GRIN2A: variants seen among roughly 807,000 people sequenced by gnomAD.
The protein encoded by GRIN2A is glutamate receptor ionotropic, NMDA 2A.
GRIN2A carries 22 observed loss-of-function variants against 113.4 expected under a neutral mutation model. The ratio of observed to expected loss-of-function variants is 0.19; its 90% CI spans 0.14 to 0.28. The LOEUF is 0.28. Among genes scored for constraint, GRIN2A ranks in the 10% least tolerant of loss-of-function variants. The pLI, the probability that GRIN2A is intolerant of heterozygous loss-of-function variation, is 1.00. For synonymous variants in GRIN2A, 827 were observed against 738.4 expected (o/e 1.12, Z -1.94); for missense variants, 1,502 against 1,887.0 (o/e 0.80, Z 3.78).
chr16:9,771,070 C>T (rs1218477877), intron 11 of GRIN2A, among the ~76,000 whole-genome samples: 3 of 152,186 alleles, frequency 2.0e-5, no homozygotes, highest in Admixed American at 6.5e-5. Context: ...CCTGTTGCTC[C>T]AAGTCCTCAC....
At chr16:9,813,699 CAA>C (rs553969865) in intron 10 of GRIN2A, among the ~76,000 whole-genome samples, 8 of 133,374 alleles carry the variant, frequency 6.0e-5, no homozygotes, top group African/African-American at 5.5e-5. Flanking sequence ...CACCCCCCCG[CAA>C]AAAAAAAAAA....
intron 4 of GRIN2A, among the ~76,000 whole-genome samples, chr16:9,863,412 T>C (rs1385750531): frequency 6.6e-6 from 1 of 152,144 alleles, no homozygotes; most frequent in Non-Finnish European, 1.5e-5. Flanking sequence ...CTTTTACTCA[T>C]GACAGTTTTA....
intron 2 of GRIN2A, among the ~76,000 whole-genome samples, chr16:9,969,153 T>A (rs979662325): frequency 6.6e-6 from 1 of 152,138 alleles, no homozygotes; most frequent in Non-Finnish European, 1.5e-5. Context: ...TCAATGGCCA[T>A]CCTGTTGCAC....
At chr16:9,998,426 GA>G (rs1350344255) in intron 2 of GRIN2A, among the ~76,000 whole-genome samples, 23 of 152,210 alleles carry the variant, frequency 1.5e-4, no homozygotes, top group Non-Finnish European at 2.8e-4. Flanking sequence ...AATAGATACA[GA>G]ATTTTCATTT....
At chr16:9,848,815 A>G (rs528315888) in intron 5 of GRIN2A, among the ~76,000 whole-genome samples, 94 of 85,492 alleles carry the variant, frequency 1.1e-3, no homozygotes, top group African/African-American at 5.8e-3. Context: ...TTATATATTT[A>G]AATATATAAA....
chr16:9,761,640 G>A lies in GRIN2A; in HGVS notation c.*1509C>T. 1 of 229,126 alleles carries A rather than the reference G, an allele frequency of 4.4e-6. No individual in the cohort carries two copies. The highest frequency in any genetic ancestry group is 6.2e-5 in the East Asian group (1 of 16,006). The allele number at this position is 229,126 out of a possible 1,614,324, so 14.2% of individuals were successfully genotyped here. ...TCATAACATAGCAACTATCTTGTCG[G>A]GGGCACTTGTTTTTGTGGCAGGCAC... On this transcript the variant is annotated 3_prime_UTR_variant, in exon 13 of 13. Coordinates refer to ENST00000330684, the MANE Select transcript of GRIN2A (RefSeq NM_001134407.3).
chr16:9,784,759 C>A (rs1372660141), intron 11 of GRIN2A, among the ~76,000 whole-genome samples: 1 of 152,180 alleles, frequency 6.6e-6, no homozygotes, highest in South Asian at 2.1e-4. Context: ...AAACAAACAA[C>A]CCCATCAAAA....
intron 11 of GRIN2A, among the ~76,000 whole-genome samples, chr16:9,793,450 C>T (rs1410087812): frequency 2.0e-5 from 3 of 152,070 alleles, no homozygotes; most frequent in Non-Finnish European, 4.4e-5. Flanking sequence ...CCCCTGTTCA[C>T]CTTTACTTCA....
intron 2 of GRIN2A, among the ~76,000 whole-genome samples, chr16:9,948,523 G>A (rs2045080818): frequency 6.6e-6 from 1 of 152,202 alleles, no homozygotes; most frequent in African/African-American, 2.4e-5. Context: ...GGTGCCAGGT[G>A]ACCTCTGTCC....
intron 2 of GRIN2A, among the ~76,000 whole-genome samples, chr16:10,178,503 G>C (rs1334789633): frequency 6.6e-6 from 1 of 152,194 alleles, no homozygotes; most frequent in Non-Finnish European, 1.5e-5. Context: ...ATGCTCTCCA[G>C]TTCTGAAATT....
At chr16:10,012,609 C>T (rs2046528214) in intron 2 of GRIN2A, among the ~76,000 whole-genome samples, 1 of 152,190 alleles carries the variant, frequency 6.6e-6, no homozygotes, top group South Asian at 2.1e-4. Context: ...TGTTACCTTA[C>T]ATGGCAAAAG....
At chr16:10,005,560 C>G (rs548062061) in intron 2 of GRIN2A, among the ~76,000 whole-genome samples, 1 of 152,238 alleles carries the variant, frequency 6.6e-6, no homozygotes, top group Admixed American at 6.5e-5. Context: ...CACGCCCTAC[C>G]TGGAGAAAAA....
intron 7 of GRIN2A, among the ~76,000 whole-genome samples, chr16:9,835,962 C>T (rs768081373): frequency 7.9e-5 from 12 of 152,122 alleles, no homozygotes; most frequent in Admixed American, 2.6e-4. Flanking sequence ...ACAAGATGCG[C>T]TCCAAGAAAT....
chr16:10,140,037 C>T (rs1456438162), intron 2 of GRIN2A, among the ~76,000 whole-genome samples: 1 of 152,110 alleles, frequency 6.6e-6, no homozygotes, highest in Non-Finnish European at 1.5e-5. Flanking sequence ...TAAGGCCTGG[C>T]ATAATTCAAA....
chr16:10,107,355 C>A (rs2048519559), intron 2 of GRIN2A, among the ~76,000 whole-genome samples: 1 of 152,102 alleles, frequency 6.6e-6, no homozygotes, highest in Admixed American at 6.5e-5. Flanking sequence ...AGCAGCAGTC[C>A]CCAGAGGACA....
chr16:10,033,167 A>G (rs2141931788), intron 2 of GRIN2A, among the ~76,000 whole-genome samples: 1 of 152,328 alleles, frequency 6.6e-6, no homozygotes, highest in African/African-American at 2.4e-5. Flanking sequence ...TAATTCCATC[A>G]ACATTTGCCA....
At chr16:9,767,651 G>C (rs1195655054) in intron 12 of GRIN2A, among the ~76,000 whole-genome samples, 1 of 152,114 alleles carries the variant, frequency 6.6e-6, no homozygotes, top group African/African-American at 2.4e-5. Context: ...AGAGAGATGA[G>C]TGGATAAATA....
intron 2 of GRIN2A, among the ~76,000 whole-genome samples, chr16:10,162,802 C>T (rs1306676312): frequency 6.6e-6 from 1 of 152,198 alleles, no homozygotes; most frequent in Non-Finnish European, 1.5e-5. Context: ...TCAGAGGGTT[C>T]TCCTACCCTC....
intron 2 of GRIN2A, among the ~76,000 whole-genome samples, chr16:10,008,162 C>A (rs780365643): frequency 6.6e-6 from 1 of 152,044 alleles, no homozygotes; most frequent in African/African-American, 2.4e-5. Flanking sequence ...TCCTCTTGAG[C>A]CTTGACGGCT....
Sources: allele counts gnomAD v4.1 joint callset (sites outside exome capture counted in the v4.1 genomes callset), GRCh38; gene constraint gnomAD v4.1.1; transcripts MANE v1.5; gene names NCBI Gene and HGNC (gene_info 2026-07-23, HGNC 2026-07-21).